The following SASH1 variants were observed in gnomAD, a reference collection of about 807,000 sequenced individuals.
SASH1 encodes the protein SAM and SH3 domain-containing protein 1.
SASH1 carries 44 observed loss-of-function variants against 125.2 expected under a neutral mutation model. The observed-to-expected ratio is 0.35, with a 90% CI of 0.28 to 0.45. The LOEUF (loss-of-function observed/expected upper bound fraction) is 0.45, where lower values mean the gene tolerates loss of function less well. Among genes scored for constraint, SASH1 ranks in the 20% least tolerant of loss-of-function variants. The pLI is 1.00. For synonymous variants in SASH1, 639 were observed against 649.1 expected, an observed-to-expected ratio of 0.98 and a Z score of 0.24; for missense variants, 1,426 against 1,614.5, an observed-to-expected ratio of 0.88 and a Z score of 2.00.
chr6:148,512,954 G>A (rs1228706457), intron 8 of SASH1: 3 of 985,390 alleles, frequency 3.0e-6, no homozygotes, highest in Non-Finnish European at 3.6e-6. Context: ...GAGTTCCAGG[G>A]TGAGGACAGA....
chr6:148,323,859 G>A (rs899862363), intron 1 of SASH1, among the ~76,000 whole-genome samples: 25 of 152,088 alleles, frequency 1.6e-4, no homozygotes, highest in Non-Finnish European at 3.2e-4. Flanking sequence ...GGGCGCAGTG[G>A]CTCATGCCTG....
chr6:148,385,135 T>C (rs1433265557), intron 1 of SASH1, among the ~76,000 whole-genome samples: 1 of 152,150 alleles, frequency 6.6e-6, no homozygotes, highest in Non-Finnish European at 1.5e-5. Flanking sequence ...GGAAAGTAAT[T>C]TGGGAAGATG....
chr6:148,364,787 A>T (rs1199868021), intron 1 of SASH1, among the ~76,000 whole-genome samples: 1 of 152,132 alleles, frequency 6.6e-6, no homozygotes, highest in African/African-American at 2.4e-5. Context: ...GGAGTCAAAG[A>T]TACCAATATT....
chr6:148,357,139 G>A (rs1781977577), intron 1 of SASH1, among the ~76,000 whole-genome samples: 1 of 152,288 alleles, frequency 6.6e-6, no homozygotes, highest in East Asian at 1.9e-4. Context: ...TGGGTTGTCT[G>A]TTTACTCTGC....
chr6:148,447,134 G>A (rs1776831120), intron 4 of SASH1, among the ~76,000 whole-genome samples: 1 of 152,188 alleles, frequency 6.6e-6, no homozygotes, highest in Admixed American at 6.5e-5. Flanking sequence ...CTTCACCTAA[G>A]CCAATATTTA....
At chr6:148,299,342 G>T in intron 1 of SASH1, among the ~76,000 whole-genome samples, 1 of 151,242 alleles carries the variant, frequency 6.6e-6, no homozygotes, top group Non-Finnish European at 1.5e-5. Context: ...GCATTTATTG[G>T]TGCTACAAGA....
intron 1 of SASH1, among the ~76,000 whole-genome samples, chr6:148,321,329 G>T (rs1017524392): frequency 2.6e-5 from 4 of 151,256 alleles, no homozygotes; most frequent in African/African-American, 9.7e-5. Context: ...GACAGAGGTT[G>T]CAGTGAGCTG....
At chr6:148,387,520 T>C (rs1422165608) in intron 1 of SASH1, among the ~76,000 whole-genome samples, 3 of 130,896 alleles carry the variant, frequency 2.3e-5, no homozygotes, top group African/African-American at 5.1e-5. Context: ...TTTTTCCTTC[T>C]TTCTTTCTTT....
upstream of SASH1, among the ~76,000 whole-genome samples, chr6:148,340,568 A>G (rs568121046): frequency 3.3e-5 from 5 of 152,074 alleles, no homozygotes; most frequent in Non-Finnish European, 5.9e-5. Flanking sequence ...TGTAAAGGCT[A>G]TTTATCTTTT....
rs1345864538 is a variant in SASH1 at position 148,461,043 on chromosome 6, A to G, written c.387-7502A>G. Among the ~76,000 whole-genome samples the G allele has an allele frequency of 3.9e-5, 6 of 152,350 alleles. No homozygotes were observed. The East Asian group carries it at 1.2e-3, about 29-fold the overall frequency. ...TCTGTGAATAGTTACAAGAAGTAAC[A>G]TTTCCTTGGAGCTTCCCCAGTGCCA... On this transcript the variant is annotated intron_variant, in intron 4 of 19. Transcript: ENST00000367467.
chr6:148,450,037 C>A (rs2115038347), intron 4 of SASH1, among the ~76,000 whole-genome samples: 1 of 152,294 alleles, frequency 6.6e-6, no homozygotes, highest in South Asian at 2.1e-4. Context: ...CCCAACATCA[C>A]CACACTGGAA....
intron 1 of SASH1, among the ~76,000 whole-genome samples, chr6:148,325,566 G>A (rs1780774571): frequency 6.6e-6 from 1 of 152,050 alleles, no homozygotes; most frequent in Non-Finnish European, 1.5e-5. Flanking sequence ...GACCCACTGT[G>A]CCTGGCTAGA....
chr6:148,512,432 T>C, intron 8 of SASH1: 1 of 981,618 alleles, frequency 1.0e-6, no homozygotes, highest in Non-Finnish European at 1.2e-6. Context: ...GCAGAATGTT[T>C]TTAAATGTTT....
intron 4 of SASH1, among the ~76,000 whole-genome samples, chr6:148,458,938 G>A (rs888290809): frequency 1.4e-5 from 2 of 147,478 alleles, no homozygotes; most frequent in Admixed American, 1.4e-4. Context: ...CTGTATTCTA[G>A]CCTGGGTGAT....
At chr6:148,257,541 T>G in the SASH1 span, among the ~76,000 whole-genome samples, 11 of 152,278 alleles carry the variant, frequency 7.2e-5, no homozygotes, top group Non-Finnish European at 1.3e-4. Context: ...TTCAGTATGC[T>G]TCTCCCACAA....
chr6:148,516,677 A>G (rs1268427916), intron 9 of SASH1, among the ~76,000 whole-genome samples: 3 of 152,166 alleles, frequency 2.0e-5, no homozygotes, highest in Non-Finnish European at 2.9e-5. Context: ...TCCTCAGAAT[A>G]GCTACCAGAA....
chr6:148,469,052 G>A lies in SASH1; in HGVS notation c.427+467G>A, dbSNP rs550280480. ...GGATCCAAGATTATGCATAATTAAGGCATTGTATGTTTTATATATTCTTGA... is the reference window on the plus strand; with the variant it reads ...GGATCCAAGATTATGCATAATTAAGACATTGTATGTTTTATATATTCTTGA... On this transcript the variant is annotated intron_variant, in intron 5 of 19. Transcript: ENST00000367467. The A allele has an allele frequency of 1.0e-3, 159 of 152,740 alleles. 3 individuals are homozygous for A. Among genetic ancestry groups the A allele is most frequent in the Non-Finnish European group, 1.4e-3 (99 of 68,534 alleles). 9.5% of individuals were successfully genotyped at this position (152,740 alleles called of 1,614,324 possible). A position where few individuals can be genotyped will look rare whatever the true frequency, so the allele number is the denominator to read the frequency against.
At chr6:148,505,178 C>A (rs9403958) in intron 8 of SASH1, among the ~76,000 whole-genome samples, 10,208 of 152,306 alleles carry the variant, frequency 0.067, 931 homozygotes, top group East Asian at 0.47. Flanking sequence ...CAGCCACAGG[C>A]TCTTCCCATG....
chr6:148,476,123 A>G lies in SASH1; in HGVS notation c.627+1901A>G, dbSNP rs368855959. ...AAAATCAACACATACATTTCTGTGTATGTGTTCAGCAACAAATACTCTGAA... is the reference window on the plus strand; with the variant it reads ...AAAATCAACACATACATTTCTGTGTGTGTGTTCAGCAACAAATACTCTGAA... On this transcript the variant is annotated intron_variant, in intron 7 of 19. Coordinates refer to ENST00000367467, the MANE Select transcript of SASH1 (RefSeq NM_015278.5). Among the ~76,000 whole-genome samples, 241 of 152,256 alleles carry G rather than the reference A, an allele frequency of 1.6e-3. 2 individuals carry two copies. Among genetic ancestry groups the G allele is most frequent in the South Asian group, 0.012 (60 of 4,820 alleles).
Sources: gnomAD v4.1 joint callset for allele counts (sites outside exome capture counted in the v4.1 genomes callset) on GRCh38, gnomAD v4.1.1 for gene constraint, MANE v1.5 for transcripts, NCBI Gene and HGNC (gene_info 2026-07-23, HGNC 2026-07-21) for gene names.